ARHGAP23: variants seen among roughly 807,000 people sequenced by gnomAD.
The protein encoded by ARHGAP23 is Rho GTPase activating protein 23.
ARHGAP23 carries 34 observed loss-of-function variants against 136.3 expected under a neutral mutation model. The observed-to-expected ratio is 0.25, with a 90% CI of 0.19 to 0.33. The LOEUF is 0.33. ARHGAP23 is among the 10% of genes least tolerant of loss of function. ARHGAP23 has a pLI of 1.00. For missense variants in ARHGAP23, 1,808 were observed against 2,139.0 expected, an observed-to-expected ratio of 0.85 and a Z score of 3.05; for synonymous variants, 832 against 920.5, an observed-to-expected ratio of 0.90 and a Z score of 1.74.
At chr17:38,426,567 A>AAAAAAAAAAAAAAAAAAAAAAAC (rs2038573625), upstream of ARHGAP23, among the ~76,000 whole-genome samples, 1 of 150,756 alleles carries the variant, frequency 6.6e-6, no homozygotes, top group African/African-American at 2.4e-5. Flanking sequence ...AAAAAAAAAA[A>AAAAAAAAAAAAAAAAAAAAAAAC]AAAAATCCAG....
intron 20 of ARHGAP23, among the ~76,000 whole-genome samples, chr17:38,493,399 C>T (rs1434925679): frequency 6.6e-6 from 1 of 151,992 alleles, no homozygotes; most frequent in African/African-American, 2.4e-5. Flanking sequence ...ACTATGTTGC[C>T]AGGGCTAGTC....
In ARHGAP23 at chr17:38,477,918, C is replaced by G; in HGVS notation, c.2436+22C>G. The G allele has an allele frequency of 1.3e-6, 2 of 1,547,318 alleles. No individual in the cohort carries two copies. Among genetic ancestry groups the G allele is most frequent in the Non-Finnish European group, 1.7e-6 (2 of 1,146,076 alleles). ...CGAGGTGAGGGCCCGGCCAGCCCGGCAGCCACAGAGGGCGGGCGGGGTGGC... is the reference window on the plus strand; with the variant it reads ...CGAGGTGAGGGCCCGGCCAGCCCGGGAGCCACAGAGGGCGGGCGGGGTGGC... On this transcript the variant is annotated intron_variant, in intron 12 of 23. Transcript: ENST00000622683. The surrounding 1 kb of genome is among the most constrained non-coding windows in gnomAD (Gnocchi z 6.6).
chr17:38,475,711 T>C (rs1359536836), intron 11 of ARHGAP23, among the ~76,000 whole-genome samples: 1 of 152,186 alleles, frequency 6.6e-6, no homozygotes, highest in Admixed American at 6.5e-5. Flanking sequence ...TCAACAAATA[T>C]TGATGAGCCC....
chr17:38,428,440 G>T (rs183704037), upstream of ARHGAP23: 5 of 1,254,956 alleles, frequency 4.0e-6, no homozygotes, highest in African/African-American at 1.6e-5. Context: ...GGTCCCTGCC[G>T]GCGCCCCCAG....
intron 10 of ARHGAP23, among the ~76,000 whole-genome samples, chr17:38,471,466 C>T (rs898145868): frequency 6.6e-6 from 1 of 152,262 alleles, no homozygotes; most frequent in African/African-American, 2.4e-5. Context: ...TCCTCGTGGA[C>T]ATGACTACCT....
intron 1 of ARHGAP23, among the ~76,000 whole-genome samples, chr17:38,449,828 G>A (rs1567783631): frequency 1.3e-5 from 2 of 152,182 alleles, no homozygotes; most frequent in Non-Finnish European, 2.9e-5. Flanking sequence ...ATTCTGGGAA[G>A]AGTGCTGAGC....
At position 38,458,225 on chromosome 17, in the gene ARHGAP23, G is replaced by C. The variant is rs1304274482; in HGVS notation, c.187G>C (p.Val63Leu). The C allele has an allele frequency of 9.1e-6, 14 of 1,535,132 alleles. No homozygotes were observed. The highest frequency in any genetic ancestry group is 2.0e-5 in the Admixed American group (1 of 50,910). Residue 63 changes from valine to leucine, a missense_variant, in exon 2 of 24, where the codon GTG becomes CTG. Transcript: ENST00000622683. Reference protein sequence around the residue: ...GFGFTLRHFIVYPPESAVHCS... With the variant: ...GFGFTLRHFILYPPESAVHCS... ...TGGCTTCACTCTGCGCCACTTCATC[G>C]TGTACCCACCCGAGTCGGCCGTGCA...
chr17:38,454,491 C>T (rs2039277751), intron 1 of ARHGAP23, among the ~76,000 whole-genome samples: 2 of 152,078 alleles, frequency 1.3e-5, no homozygotes, highest in African/African-American at 4.8e-5. Context: ...GGGCAGGGAC[C>T]CCGAGTTCCG....
chr17:38,463,152 C>T lies in ARHGAP23; in HGVS notation c.384C>T (p.Val128=), dbSNP rs944675537. 6.4e-7 allele frequency: 1 copy of T among 1,551,556 alleles called. No individual in the cohort carries two copies. The highest frequency in any genetic ancestry group is 1.2e-5 in the South Asian group (1 of 84,044). The change falls in exon 5 of 24, where the codon GTC becomes GTT. Residue 128 remains valine, a synonymous_variant. Transcript: ENST00000622683. The part of the protein sequence containing the change: ...DRLVKVNGES[V]IGKTYSQVIA... ...TGGTAAAGGTGAATGGGGAAAGCGT[C>T]ATTGGGAAGACCTACTCTCAGGTCA... is the stretch of plus-strand genomic sequence containing the variant.
intron 22 of ARHGAP23, chr17:38,499,000 T>C (rs1355435215): frequency 1.4e-6 from 1 of 698,584 alleles, no homozygotes; most frequent in Admixed American, 2.0e-5. Context: ...TGGCGGGTGA[T>C]TATAAGAAGG....
In ARHGAP23 at chr17:38,467,317, C is replaced by T. The variant is rs2039634261; in HGVS notation, c.1634C>T (p.Ser545Phe). Residue 545 changes from serine (S) to phenylalanine (F), a missense_variant, in exon 7 of 24, where the codon TCC becomes TTC. This residue lies in a region of ARHGAP23 where 859 missense variants were observed against 936.4 expected (regional missense o/e 0.92). Coordinates refer to ENST00000622683, the MANE Select transcript of ARHGAP23 (RefSeq NM_001199417.2). Reference protein sequence around the residue: ...PLATTEDSLASIPFIDEPTSP... With the variant: ...PLATTEDSLAFIPFIDEPTSP... ...GCCACCACCGAAGACTCTCTGGCTT[C>T]CATCCCCTTTATTGGTGAGTGATGG... 8 of 1,482,642 alleles carry T rather than the reference C, an allele frequency of 5.4e-6. No individual in the cohort carries two copies. Among genetic ancestry groups the T allele is most frequent in the Non-Finnish European group, 6.3e-6 (7 of 1,116,156 alleles). The allele number at this position is 1,482,642 out of a possible 1,614,324, so 91.8% of individuals were successfully genotyped here.
In ARHGAP23 at chr17:38,477,459, G is replaced by T. The variant is rs1375445993; in HGVS notation, c.2119-120G>T. 4 of 975,946 alleles carry T rather than the reference G, an allele frequency of 4.1e-6. No individual in the cohort carries two copies. Among genetic ancestry groups the T allele is most frequent in the Non-Finnish European group, 5.1e-6 (4 of 786,564 alleles). 60.5% of individuals were successfully genotyped at this position (975,946 alleles called of 1,614,324 possible). A position where few individuals can be genotyped will look rare whatever the true frequency, so the allele number is the denominator to read the frequency against. Reference sequence around the variant, plus strand: ...CAGGTCTAGCCGGGTGGAGCAGGGGGCTCCTGGTAGGCAGCGTGGGGTCCA... The same window carrying T: ...CAGGTCTAGCCGGGTGGAGCAGGGGTCTCCTGGTAGGCAGCGTGGGGTCCA... On this transcript the variant is annotated intron_variant, in intron 11 of 23. Coordinates refer to ENST00000622683, the MANE Select transcript of ARHGAP23 (RefSeq NM_001199417.2). The surrounding 1 kb of genome is among the most constrained non-coding windows in gnomAD (Gnocchi z 6.6).
upstream of ARHGAP23, among the ~76,000 whole-genome samples, chr17:38,423,615 T>C (rs1026364601): frequency 3.9e-5 from 6 of 152,076 alleles, no homozygotes; most frequent in African/African-American, 9.7e-5. Flanking sequence ...TCAAGTGATC[T>C]GCCCTCCTCA....
rs1050191375 is a variant in ARHGAP23, at chr17:38,511,656, C to T, written c.*684C>T. The T allele has an allele frequency of 2.0e-5, 3 of 152,188 alleles. No individual in the cohort carries two copies. Among genetic ancestry groups the T allele is most frequent in the Admixed American group, 2.0e-4 (3 of 15,276 alleles). The allele number at this position is 152,188 out of a possible 1,614,324, so 9.4% of individuals were successfully genotyped here. A position where few individuals can be genotyped will look rare whatever the true frequency, so the allele number is the denominator to read the frequency against. ...AAGGAGGCAGGACTGAAACCCTCAC[C>T]AGGGTTACTCCCCAACATCCTTTTG... On this transcript the variant is annotated 3_prime_UTR_variant, in exon 24 of 24. Transcript: ENST00000622683.
intron 23 of ARHGAP23, 117 bp downstream of exon 23, chr17:38,500,745 G>C (rs1167513656): frequency 1.2e-5 from 12 of 978,902 alleles, no homozygotes; most frequent in Non-Finnish European, 1.7e-5. Context: ...GATGGTCCCT[G>C]GGAGGGAAGG....
chr17:38,489,973 G>C, intron 17 of ARHGAP23, 129 bp from the exon 18 acceptor site: 1 of 788,436 alleles, frequency 1.3e-6, no homozygotes, highest in Non-Finnish European at 2.2e-6. Flanking sequence ...TACACAAGAG[G>C]CTGTCGCCCA....
chr17:38,429,567 C>A (rs916295821), intron 1 of ARHGAP23, among the ~76,000 whole-genome samples: 1 of 152,224 alleles, frequency 6.6e-6, no homozygotes, highest in Non-Finnish European at 1.5e-5. Flanking sequence ...AAGGTGGGAT[C>A]TGGTGCTTGC....
chr17:38,423,517 GCA>G (rs1332563550), upstream of ARHGAP23, among the ~76,000 whole-genome samples: 1 of 151,736 alleles, frequency 6.6e-6, no homozygotes, highest in Non-Finnish European at 1.5e-5. Context: ...GATTACAGGC[GCA>G]CACCACCACG....
intron 6 of ARHGAP23, 108 bp from the exon 7 acceptor site, chr17:38,466,059 C>G (rs916515748): frequency 3.4e-5 from 27 of 791,334 alleles, no homozygotes; most frequent in Admixed American, 4.1e-5. Flanking sequence ...ACCGCTTGGT[C>G]CTCTCCCTTC....
Sources: allele counts gnomAD v4.1 joint callset (sites outside exome capture counted in the v4.1 genomes callset), GRCh38; gene constraint gnomAD v4.1.1; regional missense constraint gnomAD v4.1.1; non-coding constraint Gnocchi (gnomAD v3.1); transcripts MANE v1.5; gene names NCBI Gene and HGNC (gene_info 2026-07-23, HGNC 2026-07-21).